GABRB1: variants seen among roughly 807,000 people sequenced by gnomAD.
GABRB1 encodes the protein gamma-aminobutyric acid receptor subunit beta-1.
A neutral mutation model predicts 51.6 loss-of-function variants in GABRB1; 17 were observed. That is an observed-to-expected ratio of 0.33 (90% CI 0.23 to 0.49). The LOEUF (loss-of-function observed/expected upper bound fraction) is 0.49, where lower values mean the gene tolerates loss of function less well. GABRB1 is among the 20% of genes least tolerant of loss of function. The pLI is 0.99. For missense variants in GABRB1, 410 were observed against 600.6 expected, an observed-to-expected ratio of 0.68 and a Z score of 3.32; for synonymous variants, 247 against 218.9, an observed-to-expected ratio of 1.13 and a Z score of -1.14.
intron 3 of GABRB1, among the ~76,000 whole-genome samples, chr4:47,096,119 T>C (rs1010147448): frequency 6.6e-6 from 1 of 152,208 alleles, no homozygotes; most frequent in Non-Finnish European, 1.5e-5. Context: ...TACTTTAATA[T>C]ATCTCCAGTG....
intron 3 of GABRB1, among the ~76,000 whole-genome samples, chr4:47,155,633 C>T (rs934819056): frequency 1.3e-5 from 2 of 151,804 alleles, no homozygotes; most frequent in African/African-American, 4.8e-5. Flanking sequence ...CTTCTTAGAT[C>T]TCATTCTGGT....
chr4:47,151,765 G>T (rs1717468775), intron 3 of GABRB1, among the ~76,000 whole-genome samples: 1 of 151,962 alleles, frequency 6.6e-6, no homozygotes, highest in Non-Finnish European at 1.5e-5. Context: ...AAATGTGAGT[G>T]AAGTTTATGA....
At chr4:47,234,346 G>A (rs1453063594) in intron 4 of GABRB1, among the ~76,000 whole-genome samples, 1 of 152,006 alleles carries the variant, frequency 6.6e-6, no homozygotes, top group Admixed American at 6.6e-5. Context: ...AATTAGCCGG[G>A]CATGGTGGTG....
intron 1 of GABRB1, among the ~76,000 whole-genome samples, chr4:47,021,796 T>C (rs1426025044): frequency 2.0e-5 from 3 of 152,132 alleles, no homozygotes; most frequent in Non-Finnish European, 2.9e-5. Context: ...CACTACAAGT[T>C]ACTTTTCCCA....
Position 47,245,698 on chromosome 4 carries a change from C to T in GABRB1, c.462-74429C>T, listed in dbSNP as rs576451757. 8.5e-5 allele frequency among the ~76,000 whole-genome samples: 13 copies of T among 152,122 alleles called. No individual in the cohort carries two copies. The East Asian group carries it at 1.9e-3, about 23-fold the overall frequency. Reference sequence around the variant, plus strand: ...GTCTAAAATTGATGATACATTATTCCATTATTCCTAAAGAGTTAGACCATC... The same window carrying T: ...GTCTAAAATTGATGATACATTATTCTATTATTCCTAAAGAGTTAGACCATC... On this transcript the variant is annotated intron_variant, in intron 4 of 8. Transcript: ENST00000295454.
At chr4:47,215,440 C>T (rs900016504) in intron 4 of GABRB1, among the ~76,000 whole-genome samples, 9 of 151,782 alleles carry the variant, frequency 5.9e-5, no homozygotes, top group South Asian at 2.1e-4. Flanking sequence ...GTGTTTAAAG[C>T]GTTCAGGAAA....
intron 3 of GABRB1, among the ~76,000 whole-genome samples, chr4:47,108,170 A>G (rs1715050168): frequency 6.6e-6 from 1 of 152,048 alleles, no homozygotes; most frequent in South Asian, 2.1e-4. Flanking sequence ...CCTCAGATGA[A>G]ATTTATAGAC....
intron 4 of GABRB1, among the ~76,000 whole-genome samples, chr4:47,281,918 G>C (rs555899393): frequency 1.3e-5 from 2 of 152,094 alleles, no homozygotes; most frequent in East Asian, 3.9e-4. Context: ...GTTGATCAAA[G>C]GATACAAAGT....
At chr4:47,062,826 C>T in intron 3 of GABRB1, among the ~76,000 whole-genome samples, 1 of 152,090 alleles carries the variant, frequency 6.6e-6, no homozygotes, top group East Asian at 1.9e-4. Context: ...TCCAATTCAT[C>T]AACAAATTGT....
intron 5 of GABRB1, among the ~76,000 whole-genome samples, chr4:47,372,113 A>C (rs184185004): frequency 6.6e-6 from 1 of 152,288 alleles, no homozygotes; most frequent in Admixed American, 6.5e-5. Context: ...TCATTTTTGC[A>C]TAAGGTGTAA....
rs1726110262 is a variant in GABRB1 at position 47,046,807 on chromosome 4, C to A, written c.240+14323C>A. Among the ~76,000 whole-genome samples, 2 of 152,226 alleles carry A rather than the reference C, an allele frequency of 1.3e-5. 1 individual carries two copies. The highest frequency in any genetic ancestry group is 4.1e-4 in the South Asian group (2 of 4,832). ...TACATATACACCATGGAATACTATG[C>A]AGCCTTAAAAAATAATGAGATCATG... is the stretch of plus-strand genomic sequence containing the variant. On this transcript the variant is annotated intron_variant, in intron 3 of 8. Coordinates refer to ENST00000295454, the MANE Select transcript of GABRB1 (RefSeq NM_000812.4).
chr4:47,195,405 T>C (rs1719616360), intron 4 of GABRB1, among the ~76,000 whole-genome samples: 2 of 49,384 alleles, frequency 4.0e-5, no homozygotes. Context: ...GATAGATAGA[T>C]AGATAGATAG....
intron 4 of GABRB1, among the ~76,000 whole-genome samples, chr4:47,226,664 T>G (rs1247862961): frequency 1.3e-5 from 2 of 152,140 alleles, no homozygotes. Context: ...CCTTGAGGAC[T>G]ACCTTTCTTC....
At chr4:47,135,070 T>C (rs1716584023) in intron 3 of GABRB1, among the ~76,000 whole-genome samples, 1 of 152,274 alleles carries the variant, frequency 6.6e-6, no homozygotes, top group South Asian at 2.1e-4. Flanking sequence ...CAGTGAGCTA[T>C]GATCACACCA....
intron 1 of GABRB1, among the ~76,000 whole-genome samples, chr4:47,015,067 C>G (rs945201759): frequency 6.6e-6 from 1 of 152,260 alleles, no homozygotes; most frequent in South Asian, 2.1e-4. Flanking sequence ...CCACCACACC[C>G]GGCTAATTTT....
chr4:47,224,952 T>A (rs1403807316), intron 4 of GABRB1, among the ~76,000 whole-genome samples: 2 of 151,996 alleles, frequency 1.3e-5, no homozygotes, highest in Admixed American at 1.3e-4. Context: ...TGGAGTGCAA[T>A]GGTGCAATCT....
chr4:47,370,660 C>A (rs1191679204), intron 5 of GABRB1, among the ~76,000 whole-genome samples: 1 of 152,138 alleles, frequency 6.6e-6, no homozygotes, highest in Non-Finnish European at 1.5e-5. Context: ...AAATGATATG[C>A]AGGTATATTC....
At chr4:47,027,312 GA>G (rs1253423332), upstream of GABRB1, among the ~76,000 whole-genome samples, 1 of 151,160 alleles carries the variant, frequency 6.6e-6, no homozygotes, top group South Asian at 2.1e-4. Flanking sequence ...AATAAACCCA[GA>G]AAAAATTGCA....
At chr4:47,103,803 C>A (rs1475632113) in intron 3 of GABRB1, among the ~76,000 whole-genome samples, 1 of 151,646 alleles carries the variant, frequency 6.6e-6, no homozygotes, top group Non-Finnish European at 1.5e-5. Context: ...GAAAAATAAG[C>A]CAGGCAAAAT....
Sources: gnomAD v4.1 joint callset for allele counts (sites outside exome capture counted in the v4.1 genomes callset) on GRCh38, gnomAD v4.1.1 for gene constraint, MANE v1.5 for transcripts, NCBI Gene and HGNC (gene_info 2026-07-23, HGNC 2026-07-21) for gene names.